The following LRFN2 variants were observed in gnomAD, a reference collection of about 807,000 sequenced individuals.
The protein encoded by LRFN2 is leucine rich repeat and fibronectin type III domain containing 2, also known as leucine-rich repeat and fibronectin type-III domain-containing protein 2.
Under a neutral mutation model 37.3 loss-of-function variants are expected in LRFN2, and 18 were observed. The observed-to-expected ratio is 0.48, with a 90% CI of 0.33 to 0.72. The LOEUF is 0.72. LRFN2 is among the 30% of genes least tolerant of loss of function. LRFN2 has a pLI of 0.02. For synonymous variants in LRFN2, 556 were observed against 466.6 expected (o/e 1.19, Z -2.47); for missense variants, 1,006 against 1,060.7 (o/e 0.95, Z 0.72).
At chr6:40,454,476 A>C (rs1316284947) in intron 1 of LRFN2, among the ~76,000 whole-genome samples, 2 of 152,202 alleles carry the variant, frequency 1.3e-5, no homozygotes, top group Admixed American at 1.3e-4. Flanking sequence ...GGCTGTCTGC[A>C]AAGAGCCTGG....
At chr6:40,477,074 T>C (rs193136350) in intron 1 of LRFN2, among the ~76,000 whole-genome samples, 18 of 152,334 alleles carry the variant, frequency 1.2e-4, no homozygotes, top group African/African-American at 4.1e-4. Context: ...CAACCACATA[T>C]TAGACTTACA....
chr6:40,515,091 G>A (rs557119652), intron 1 of LRFN2, among the ~76,000 whole-genome samples: 1 of 152,254 alleles, frequency 6.6e-6, no homozygotes, highest in Admixed American at 6.5e-5. Flanking sequence ...TTTATTTTTG[G>A]CATGCTTTAG....
chr6:40,541,809 GC>G (rs1168158778), intron 1 of LRFN2, among the ~76,000 whole-genome samples: 2 of 152,222 alleles, frequency 1.3e-5, no homozygotes, highest in African/African-American at 4.8e-5. Flanking sequence ...GGCAGCCACA[GC>G]CCCCTAGTCT....
At chr6:40,421,403 A>G (rs1763226154) in intron 2 of LRFN2, among the ~76,000 whole-genome samples, 1 of 152,354 alleles carries the variant, frequency 6.6e-6, no homozygotes, top group African/African-American at 2.4e-5. Context: ...TAATACATCA[A>G]TCAATACATG....
intron 1 of LRFN2, among the ~76,000 whole-genome samples, chr6:40,485,606 A>G (rs1488133924): frequency 6.6e-6 from 1 of 152,208 alleles, no homozygotes. Context: ...CCTCTCATAG[A>G]GAAGAATTCT....
At chr6:40,426,182 T>G (rs1389225340) in intron 2 of LRFN2, among the ~76,000 whole-genome samples, 1 of 152,230 alleles carries the variant, frequency 6.6e-6, no homozygotes, top group Non-Finnish European at 1.5e-5. Context: ...GAAGCCATAT[T>G]ATGTTGATCA....
chr6:40,531,353 A>G (rs1043243441), intron 1 of LRFN2, among the ~76,000 whole-genome samples: 5 of 152,286 alleles, frequency 3.3e-5, no homozygotes, highest in African/African-American at 1.2e-4. Flanking sequence ...GCTTGTCTCC[A>G]TGGCTGATGA....
chr6:40,504,161 G>A (rs1489424189), intron 1 of LRFN2, among the ~76,000 whole-genome samples: 2 of 152,322 alleles, frequency 1.3e-5, no homozygotes, highest in Non-Finnish European at 2.9e-5. Context: ...AAGGCTGGTT[G>A]TTGCATCTTG....
At chr6:40,532,006 G>C (rs138018434) in intron 1 of LRFN2, among the ~76,000 whole-genome samples, 2 of 152,196 alleles carry the variant, frequency 1.3e-5, no homozygotes, top group African/African-American at 4.8e-5. Flanking sequence ...TCAGGTGTCC[G>C]CACAGTTCCT....
intron 1 of LRFN2, among the ~76,000 whole-genome samples, chr6:40,545,782 C>G (rs1455977363): frequency 2.6e-5 from 4 of 152,234 alleles, no homozygotes; most frequent in Non-Finnish European, 5.9e-5. Context: ...GGGCCTGGGT[C>G]TCATGAGATG....
intron 1 of LRFN2, among the ~76,000 whole-genome samples, chr6:40,462,518 C>A (rs1005253824): frequency 3.9e-5 from 6 of 152,118 alleles, no homozygotes; most frequent in African/African-American, 1.4e-4. Flanking sequence ...CTCTTTCGCT[C>A]CCTCATTCCA....
intron 1 of LRFN2, among the ~76,000 whole-genome samples, chr6:40,486,331 C>T (rs553274570): frequency 1.3e-5 from 2 of 152,288 alleles, no homozygotes; most frequent in Non-Finnish European, 2.9e-5. Flanking sequence ...TTAGAAGGAA[C>T]TCAAGACCCC....
chr6:40,570,159 A>C (rs896013079), intron 1 of LRFN2, among the ~76,000 whole-genome samples: 1 of 152,132 alleles, frequency 6.6e-6, no homozygotes, highest in Non-Finnish European at 1.5e-5. Flanking sequence ...AAGAGTCACC[A>C]TTCTCTCTCT....
intron 1 of LRFN2, among the ~76,000 whole-genome samples, chr6:40,581,630 C>CCAGAAAT (rs1180040888): frequency 6.6e-6 from 1 of 152,202 alleles, no homozygotes; most frequent in East Asian, 1.9e-4. Context: ...TTCTACCCAT[C>CCAGAAAT]CAGAAATCTT....
At chr6:40,423,566 C>T (rs1763279101) in intron 2 of LRFN2, among the ~76,000 whole-genome samples, 1 of 152,144 alleles carries the variant, frequency 6.6e-6, no homozygotes, top group Non-Finnish European at 1.5e-5. Context: ...TTCCCATTGT[C>T]CCAGGACTAG....
chr6:40,580,301 A>G (rs78609636), intron 1 of LRFN2, among the ~76,000 whole-genome samples: 4,029 of 152,244 alleles, frequency 0.026, 90 homozygotes, highest in Admixed American at 0.039. Flanking sequence ...GCAGACTGAG[A>G]GCCAGGAAGG....
At chr6:40,490,141 C>A (rs1276931373) in intron 1 of LRFN2, among the ~76,000 whole-genome samples, 2 of 152,192 alleles carry the variant, frequency 1.3e-5, no homozygotes, top group African/African-American at 4.8e-5. Context: ...CGTGGAAGCA[C>A]ATCTCGTCAG....
chr6:40,443,009 A>G (rs1423647831), intron 1 of LRFN2, among the ~76,000 whole-genome samples: 1 of 139,330 alleles, frequency 7.2e-6, no homozygotes, highest in Non-Finnish European at 1.6e-5. Flanking sequence ...GATTCTAATA[A>G]CCCCTCTTAT....
At chr6:40,411,278 G>A (rs1042680786) in intron 2 of LRFN2, among the ~76,000 whole-genome samples, 1 of 152,210 alleles carries the variant, frequency 6.6e-6, no homozygotes, top group Non-Finnish European at 1.5e-5. Context: ...TGGGGTACAT[G>A]CAGGTGCAGT....
Sources: allele counts gnomAD v4.1 joint callset (sites outside exome capture counted in the v4.1 genomes callset), GRCh38; gene constraint gnomAD v4.1.1; transcripts MANE v1.5; gene names NCBI Gene and HGNC (gene_info 2026-07-23, HGNC 2026-07-21).